The following CDH4 variants were observed in gnomAD, a reference collection of about 807,000 sequenced individuals.
The protein encoded by CDH4 is cadherin-4.
Under a neutral mutation model 86.0 loss-of-function variants are expected in CDH4, and 33 were observed. That is an observed-to-expected ratio of 0.38 (90% confidence interval 0.29 to 0.51). The LOEUF (loss-of-function observed/expected upper bound fraction) is 0.51, where lower values mean the gene tolerates loss of function less well. Ranked by LOEUF, CDH4 falls within the 20% of genes least tolerant of loss-of-function variation. The pLI, the probability that CDH4 is intolerant of heterozygous loss-of-function variation, is 0.86. For synonymous variants in CDH4, 555 were observed against 549.4 expected, an observed-to-expected ratio of 1.01 and a Z score of -0.14; for missense variants, 1,114 against 1,307.4, an observed-to-expected ratio of 0.85 and a Z score of 2.28.
At chr20:61,887,775 G>T (rs1984613128) in intron 7 of CDH4, among the ~76,000 whole-genome samples, 1 of 152,214 alleles carries the variant, frequency 6.6e-6, no homozygotes, top group Non-Finnish European at 1.5e-5. Flanking sequence ...TTTCCTGCCG[G>T]CCCGTGTCAG....
chr20:61,761,423 GTTTCA>G (rs1284614349), intron 3 of CDH4, among the ~76,000 whole-genome samples: 1 of 152,180 alleles, frequency 6.6e-6, no homozygotes, highest in African/African-American at 2.4e-5. Context: ...TTCCCCAGAT[GTTTCA>G]TTTCCACGGC....
chr20:61,695,430 G>T (rs1398774275), intron 2 of CDH4, among the ~76,000 whole-genome samples: 1 of 152,218 alleles, frequency 6.6e-6, no homozygotes, highest in African/African-American at 2.4e-5. Context: ...AGCTCAGGTT[G>T]CTCAGGAGAA....
intron 2 of CDH4, among the ~76,000 whole-genome samples, chr20:61,262,179 C>T (rs987948627): frequency 8.5e-5 from 13 of 152,164 alleles, no homozygotes; most frequent in Admixed American, 7.2e-4. Flanking sequence ...GAAAGTGCCA[C>T]GACTGTGCAG....
At chr20:61,850,310 T>C (rs534657844) in intron 5 of CDH4, among the ~76,000 whole-genome samples, 1 of 152,230 alleles carries the variant, frequency 6.6e-6, no homozygotes, top group South Asian at 2.1e-4. Context: ...AGGGTTCTTA[T>C]AGCACTGCCT....
At chr20:61,849,549 C>T (rs1382504821) in intron 5 of CDH4, among the ~76,000 whole-genome samples, 3 of 151,936 alleles carry the variant, frequency 2.0e-5, no homozygotes, top group Non-Finnish European at 2.9e-5. Context: ...CCTCTAGGCT[C>T]ACCGGCCTGG....
chr20:61,496,698 C>A (rs1460249246), intron 2 of CDH4, among the ~76,000 whole-genome samples: 1 of 152,258 alleles, frequency 6.6e-6, no homozygotes, highest in African/African-American at 2.4e-5. Flanking sequence ...TGCAGAACAT[C>A]ATTCTAGAAA....
intron 2 of CDH4, among the ~76,000 whole-genome samples, chr20:61,507,082 AT>A (rs2085746233): frequency 6.6e-6 from 1 of 152,222 alleles, no homozygotes; most frequent in East Asian, 1.9e-4. Context: ...GTTTTCCTAA[AT>A]GAGTTTGCAA....
At position 61,921,764 on chromosome 20, in the gene CDH4, A is replaced by G. The variant is rs866011263; in HGVS notation, c.1375-1687A>G. ...AGACTCTGTCAAAAAAAAAAAAAAA[A>G]AAAAATCAAAGCTCTATGATAAGAA... On this transcript the variant is annotated intron_variant, in intron 9 of 15. Coordinates refer to ENST00000614565, the MANE Select transcript of CDH4 (RefSeq NM_001794.5). 6.7e-3 allele frequency among the ~76,000 whole-genome samples: 1,014 copies of G among 151,190 alleles called. 18 individuals are homozygous for G. The highest frequency in any genetic ancestry group is 0.024 in the African/African-American group (979 of 41,358).
At chr20:61,887,778 C>T (rs1884451) in intron 7 of CDH4, among the ~76,000 whole-genome samples, 137,062 of 152,232 alleles carry the variant, frequency 0.9, 62,256 homozygotes, top group Non-Finnish European at 0.93. Flanking sequence ...CCTGCCGGCC[C>T]GTGTCAGTCT....
intron 2 of CDH4, among the ~76,000 whole-genome samples, chr20:61,391,000 T>G (rs924211436): frequency 1.3e-5 from 2 of 152,236 alleles, no homozygotes; most frequent in African/African-American, 4.8e-5. Context: ...TCTTCACTAA[T>G]ACAAGCTGGG....
chr20:61,897,569 G>A (rs1024551113), intron 8 of CDH4, among the ~76,000 whole-genome samples: 2 of 152,184 alleles, frequency 1.3e-5, no homozygotes, highest in South Asian at 4.1e-4. Flanking sequence ...CACCCCCACT[G>A]ACCAGCACTA....
Position 61,520,673 on chromosome 20 carries a change from G to A in CDH4, c.170-222890G>A, listed in dbSNP as rs376518519. 3.1e-3 allele frequency among the ~76,000 whole-genome samples: 472 copies of A among 152,240 alleles called. 3 individuals carry two copies. The highest frequency in any genetic ancestry group is 0.011 in the African/African-American group (444 of 41,510). On this transcript the variant is annotated intron_variant, in intron 2 of 15. Coordinates refer to ENST00000614565, the MANE Select transcript of CDH4 (RefSeq NM_001794.5). Reference sequence around the variant, plus strand: ...CTGAGCAGCTCAGTGACGGTGATGCGGGTCTTTTCCTTCTTCTGAGCATCG... The same window carrying A: ...CTGAGCAGCTCAGTGACGGTGATGCAGGTCTTTTCCTTCTTCTGAGCATCG...
At chr20:61,934,717 GC>G (rs200122965) in intron 15 of CDH4, among the ~76,000 whole-genome samples, 1 of 148,680 alleles carries the variant, frequency 6.7e-6, no homozygotes, top group South Asian at 2.1e-4. Flanking sequence ...AGGCCAACTT[GC>G]CCCCCCTCCC....
chr20:61,683,405 G>T (rs189362154), intron 2 of CDH4, among the ~76,000 whole-genome samples: 12 of 152,164 alleles, frequency 7.9e-5, no homozygotes, highest in African/African-American at 2.7e-4. Context: ...TGCAGTGAAC[G>T]GCACGGGTTG....
intron 2 of CDH4, among the ~76,000 whole-genome samples, chr20:61,499,004 A>G (rs1345226037): frequency 1.3e-5 from 2 of 152,116 alleles, no homozygotes; most frequent in South Asian, 2.1e-4. Flanking sequence ...AGCCTTGAGT[A>G]GGAGATGGGG....
chr20:61,838,110 A>G (rs4925302), intron 4 of CDH4, among the ~76,000 whole-genome samples: 62,727 of 151,576 alleles, frequency 0.41, 15,948 homozygotes, highest in Non-Finnish European at 0.58. Context: ...GGGTTTCCCT[A>G]CGCAGCTGGG....
intron 2 of CDH4, among the ~76,000 whole-genome samples, chr20:61,275,010 C>A (rs111995700): frequency 5.8e-4 from 78 of 135,440 alleles, no homozygotes; most frequent in Non-Finnish European, 9.8e-4. Flanking sequence ...TGGGGAAGCA[C>A]CATGCGCAGT....
At chr20:61,868,143 G>A (rs958691003) in intron 6 of CDH4, among the ~76,000 whole-genome samples, 6 of 152,334 alleles carry the variant, frequency 3.9e-5, no homozygotes, top group South Asian at 2.1e-4. Context: ...GAGTTTCCAC[G>A]CTGGAGGACT....
intron 2 of CDH4, among the ~76,000 whole-genome samples, chr20:61,585,142 G>A (rs990711561): frequency 1.8e-4 from 28 of 152,370 alleles, no homozygotes; most frequent in African/African-American, 6.3e-4. Context: ...GTAAGTGGCA[G>A]AGCTGGATCC....
Sources: allele counts gnomAD v4.1 joint callset (sites outside exome capture counted in the v4.1 genomes callset), GRCh38; gene constraint gnomAD v4.1.1; transcripts MANE v1.5; gene names NCBI Gene and HGNC (gene_info 2026-07-23, HGNC 2026-07-21).